The following BARD1 variants were observed in gnomAD, a reference collection of about 807,000 sequenced individuals.
The protein encoded by BARD1 is BRCA1 associated RING domain 1.
In BARD1, 73 loss-of-function variants were observed where a neutral mutation model predicts 77.0. The ratio of observed to expected loss-of-function variants is 0.95; its 90% CI spans 0.79 to 1.15. The LOEUF (loss-of-function observed/expected upper bound fraction) is 1.15, where lower values mean the gene tolerates loss of function less well. BARD1 is among the 50% of genes most tolerant of loss of function. The pLI, the probability that BARD1 is intolerant of heterozygous loss-of-function variation, is 0.00. For synonymous variants in BARD1, 384 were observed against 338.0 expected, an observed-to-expected ratio of 1.14 and a Z score of -1.49; for missense variants, 993 against 938.8, an observed-to-expected ratio of 1.06 and a Z score of -0.75.
intron 9 of BARD1, among the ~76,000 whole-genome samples, chr2:214,736,198 T>C (rs1326471317): frequency 1.3e-5 from 2 of 152,050 alleles, no homozygotes; most frequent in Admixed American, 6.6e-5. Context: ...TTATTATACA[T>C]TGAAAATGAG....
chr2:214,769,192 T>A, intron 5 of BARD1, 40 bp downstream of exon 5: 1 of 1,532,490 alleles, frequency 6.5e-7, no homozygotes, highest in African/African-American at 1.4e-5. Context: ...ATAAGAACTG[T>A]AAAACACAGA....
intron 7 of BARD1, among the ~76,000 whole-genome samples, chr2:214,751,356 T>A (rs753171177): frequency 6.7e-5 from 10 of 149,758 alleles, no homozygotes; most frequent in Non-Finnish European, 1.3e-4. Flanking sequence ...TGGGATGGGG[T>A]TTCACCATGT....
chr2:214,792,209 C>A, intron 3 of BARD1, 88 bp downstream of exon 3: 5 of 1,262,866 alleles, frequency 4.0e-6, no homozygotes, highest in South Asian at 1.5e-5. Context: ...TCCAGAACTC[C>A]AGATAGATGT....
chr2:214,729,345 A>T (rs1440064181), intron 10 of BARD1, among the ~76,000 whole-genome samples: 1 of 152,226 alleles, frequency 6.6e-6, no homozygotes, highest in African/African-American at 2.4e-5. Flanking sequence ...ACATGAGGTC[A>T]GGTGTGGAAT....
intron 6 of BARD1, among the ~76,000 whole-genome samples, chr2:214,762,597 T>TAAA: frequency 6.6e-6 from 1 of 152,292 alleles, no homozygotes; most frequent in South Asian, 2.1e-4. Flanking sequence ...CAAATCACTC[T>TAAA]AACTTTTAAA....
chr2:214,792,240 G>T, intron 3 of BARD1, 57 bp downstream of exon 3: 2 of 1,455,758 alleles, frequency 1.4e-6, no homozygotes, highest in Non-Finnish European at 1.9e-6. Context: ...TTATGAATAT[G>T]AATTCATCAG....
At chr2:214,739,938 T>C (rs1034377533) in intron 9 of BARD1, among the ~76,000 whole-genome samples, 1 of 152,046 alleles carries the variant, frequency 6.6e-6, no homozygotes, top group Non-Finnish European at 1.5e-5. Flanking sequence ...AATATATTAT[T>C]ATATCATAAA....
intron 8 of BARD1, 148 bp downstream of exon 8, chr2:214,745,573 GA>G (rs1230115658): frequency 7.0e-5 from 67 of 958,658 alleles, no homozygotes; most frequent in Non-Finnish European, 8.9e-5. Flanking sequence ...GTTTATTACT[GA>G]AAAAAAATTT....
rs1692141988 is a variant in BARD1, at chr2:214,727,742, CTT to C, written c.*932_*933del. The stretch of plus-strand genomic sequence containing the variant: ...TTCTGCCTCCATGCCAACCTAAAAA[CTT>C]TAAAAAAAACCTTTTCCTTTTACAA... On this transcript the variant is annotated 3_prime_UTR_variant, in exon 11 of 11. Coordinates refer to ENST00000260947, the MANE Select transcript of BARD1 (RefSeq NM_000465.4). 4.4e-6 allele frequency: 1 copy of C among 227,878 alleles called. No individual in the cohort carries two copies. Among genetic ancestry groups the C allele is most frequent in the South Asian group, 1.8e-4 (1 of 5,470 alleles). 14.1% of individuals were successfully genotyped at this position (227,878 alleles called of 1,614,324 possible). A position where few individuals can be genotyped will look rare whatever the true frequency, so the allele number is the denominator to read the frequency against.
In BARD1 at chr2:214,781,213, C is replaced by G. The variant is rs1695005056; in HGVS notation, c.661G>C (p.Glu221Gln). The stretch of plus-strand genomic sequence containing the variant: ...AATTCACCATCTTCTTTTTCTGCCT[C>G]TAAATTCCATTTTTGGTTGATTTCA... ...LAEINQKWNL[E>Q]AEKEDGEFDS... is the part of the protein sequence containing the mutation. Residue 221 changes from glutamate (E) to glutamine (Q), a missense_variant, in exon 4 of 11, where the codon GAG becomes CAG. By Grantham distance (29) the Glu-to-Gln change is conservative. Coordinates refer to ENST00000260947, the MANE Select transcript of BARD1 (RefSeq NM_000465.4). 7 of 1,593,128 alleles carry G rather than the reference C, an allele frequency of 4.4e-6. No individual in the cohort carries two copies. Among genetic ancestry groups the G allele is most frequent in the Non-Finnish European group, 6.0e-6 (7 of 1,174,968 alleles).
intron 5 of BARD1, among the ~76,000 whole-genome samples, chr2:214,768,413 T>C (rs907047382): frequency 5.3e-5 from 8 of 151,782 alleles, no homozygotes; most frequent in Non-Finnish European, 1.0e-4. Context: ...CAATCTTTAC[T>C]ACAACTTGCC....
intron 3 of BARD1, among the ~76,000 whole-genome samples, chr2:214,785,101 G>A (rs961727251): frequency 2.0e-5 from 3 of 149,210 alleles, no homozygotes; most frequent in Admixed American, 2.0e-4. Context: ...CCTTAATTTA[G>A]GTTTATAAAC....
At position 214,730,514 on chromosome 2, in the gene BARD1, A is replaced by G. The variant is rs864622634; in HGVS notation, c.1904-6T>C. On this transcript the variant is annotated splice_region_variant and splice_polypyrimidine_tract_variant and intron_variant, in intron 9 of 10. Coordinates refer to ENST00000260947, the MANE Select transcript of BARD1 (RefSeq NM_000465.4). ...TCGTAGACATGCTTTTACCCCTGAC[A>G]AAAACACAAGAATTAAAGCAAACTA... 1 of 1,610,462 alleles carries G rather than the reference A, an allele frequency of 6.2e-7. No individual in the cohort carries two copies. Among genetic ancestry groups the G allele is most frequent in the African/African-American group, 1.3e-5 (1 of 74,828 alleles).
chr2:214,791,687 C>T (rs549096093), intron 3 of BARD1, among the ~76,000 whole-genome samples: 74 of 152,248 alleles, frequency 4.9e-4, no homozygotes, highest in African/African-American at 1.7e-3. Flanking sequence ...AAAATGTGCT[C>T]ATCTAATTAA....
At chr2:214,778,517 A>T (rs1253597109) in intron 4 of BARD1, among the ~76,000 whole-genome samples, 1 of 152,164 alleles carries the variant, frequency 6.6e-6, no homozygotes, top group Non-Finnish European at 1.5e-5. Context: ...GTAATCTTGA[A>T]CGTATTAATA....
At chr2:214,791,411 C>G (rs557733719) in intron 3 of BARD1, among the ~76,000 whole-genome samples, 1 of 152,278 alleles carries the variant, frequency 6.6e-6, no homozygotes, top group East Asian at 1.9e-4. Context: ...TGAGCATTAT[C>G]AATCATCCAT....
At position 214,767,478 on chromosome 2, in the gene BARD1, T is replaced by C. The variant is rs781268123; in HGVS notation, c.1568+4A>G. 2.5e-6 allele frequency: 4 copies of C among 1,612,622 alleles called. No individual in the cohort carries two copies. In the South Asian group the frequency reaches 4.4e-5, roughly 18 times the overall value. On this transcript the variant is annotated splice_donor_region_variant and intron_variant, in intron 6 of 10. Coordinates refer to ENST00000260947, the MANE Select transcript of BARD1 (RefSeq NM_000465.4). ...AAAAATAATTTTTACGTTGAACTAC[T>C]TACACAGCATTTCTGGAGGCTCCAT...
At chr2:214,731,984 CAT>C (rs1303801631) in intron 9 of BARD1, among the ~76,000 whole-genome samples, 1 of 152,302 alleles carries the variant, frequency 6.6e-6, no homozygotes, top group East Asian at 1.9e-4. Flanking sequence ...CAGAGTTACA[CAT>C]AGTTTTGAAT....
At chr2:214,739,862 A>T (rs1041167390) in intron 9 of BARD1, among the ~76,000 whole-genome samples, 7 of 152,208 alleles carry the variant, frequency 4.6e-5, no homozygotes, top group African/African-American at 1.4e-4. Context: ...ATTTCTTCAC[A>T]TTACAAGATG....
Sources: allele counts gnomAD v4.1 joint callset (sites outside exome capture counted in the v4.1 genomes callset), GRCh38; gene constraint gnomAD v4.1.1; transcripts MANE v1.5; gene names NCBI Gene and HGNC (gene_info 2026-07-23, HGNC 2026-07-21).